CSMD1: variants seen among roughly 807,000 people sequenced by gnomAD.
The protein encoded by CSMD1 is CUB and Sushi multiple domains 1, also known as CUB and sushi domain-containing protein 1.
A neutral mutation model predicts 417.5 loss-of-function variants in CSMD1; 213 were observed. The observed-to-expected ratio is 0.51, with a 90% CI of 0.46 to 0.57. CSMD1 has a LOEUF of 0.57. Ranked by LOEUF, CSMD1 falls within the 20% of genes least tolerant of loss-of-function variation. CSMD1 has a pLI of 0.00. For synonymous variants in CSMD1, 2,862 were observed against 1,736.8 expected (o/e 1.65, Z -16.11); for missense variants, 6,923 against 4,529.7 (o/e 1.53, Z -15.17).
chr8:3,969,277 T>C (rs1046299414), intron 5 of CSMD1, among the ~76,000 whole-genome samples: 5 of 152,128 alleles, frequency 3.3e-5, no homozygotes, highest in African/African-American at 1.2e-4. Flanking sequence ...AGAGTGGCTG[T>C]AGCTGCAAAA....
intron 62 of CSMD1, 69 bp from the exon 63 acceptor site, chr8:2,957,876 G>T: frequency 9.7e-7 from 1 of 1,032,108 alleles, no homozygotes; most frequent in Non-Finnish European, 1.5e-6. Flanking sequence ...AGTGATACCT[G>T]AAAGTACACG....
At chr8:3,948,344 C>G (rs1016981751) in intron 5 of CSMD1, among the ~76,000 whole-genome samples, 2 of 152,056 alleles carry the variant, frequency 1.3e-5, no homozygotes, top group East Asian at 1.9e-4. Context: ...GGGACAGAGG[C>G]TTTAATAAAT....
intron 1 of CSMD1, among the ~76,000 whole-genome samples, chr8:4,724,769 T>C (rs1206295494): frequency 1.3e-5 from 2 of 152,138 alleles, no homozygotes; most frequent in Admixed American, 6.6e-5. Flanking sequence ...TTTTAAAAGT[T>C]AAGATATACA....
intron 2 of CSMD1, among the ~76,000 whole-genome samples, chr8:4,630,265 T>TAC (rs57214957): frequency 0.042 from 6,311 of 148,870 alleles, 190 homozygotes; most frequent in African/African-American, 0.099. Flanking sequence ...ACACAGCAAA[T>TAC]ACACACACAC....
chr8:3,780,474 C>A (rs1210945683), intron 5 of CSMD1, among the ~76,000 whole-genome samples: 3 of 152,170 alleles, frequency 2.0e-5, no homozygotes, highest in Non-Finnish European at 4.4e-5. Context: ...AAAATTACAT[C>A]CTGAATCGAG....
chr8:4,306,320 C>G (rs1798242803), intron 3 of CSMD1, among the ~76,000 whole-genome samples: 1 of 152,192 alleles, frequency 6.6e-6, no homozygotes, highest in Non-Finnish European at 1.5e-5. Flanking sequence ...CAGCTCGATC[C>G]TTCCATCATC....
intron 2 of CSMD1, among the ~76,000 whole-genome samples, chr8:4,420,665 G>C (rs922632012): frequency 5.3e-5 from 8 of 152,110 alleles, no homozygotes; most frequent in African/African-American, 1.9e-4. Flanking sequence ...TGGATTCCAA[G>C]CTGTGCTCTT....
intron 3 of CSMD1, among the ~76,000 whole-genome samples, chr8:4,064,143 T>A (rs1156574264): frequency 6.6e-6 from 1 of 152,188 alleles, no homozygotes; most frequent in East Asian, 1.9e-4. Flanking sequence ...GCCTCTGATG[T>A]AAAGTTCAAA....
In CSMD1 at chr8:4,538,171, A is replaced by T. The variant is rs1282914840; in HGVS notation, c.302+99171T>A. ...AGGTATACCATGACTCCGGTGTAAC[A>T]TGCAACTGGAGGTGGCTACATTTTT... On this transcript the variant is annotated intron_variant, in intron 2 of 69. Coordinates refer to ENST00000635120, the MANE Select transcript of CSMD1 (RefSeq NM_033225.6). Among the ~76,000 whole-genome samples, 12 of 148,438 alleles carry T rather than the reference A, an allele frequency of 8.1e-5. No individual in the cohort carries two copies. In the South Asian group the frequency reaches 2.6e-3, roughly 32 times the overall value.
intron 5 of CSMD1, among the ~76,000 whole-genome samples, chr8:3,850,083 A>AG (rs1803792844): frequency 6.6e-6 from 1 of 152,222 alleles, no homozygotes; most frequent in Non-Finnish European, 1.5e-5. Context: ...GGCATGAGCC[A>AG]CTGCACCCAG....
intron 6 of CSMD1, among the ~76,000 whole-genome samples, chr8:3,710,385 G>A (rs1054886719): frequency 2.6e-5 from 4 of 152,150 alleles, no homozygotes; most frequent in Non-Finnish European, 4.4e-5. Flanking sequence ...ATGCCAGGAT[G>A]CCAAGACTGT....
intron 3 of CSMD1, among the ~76,000 whole-genome samples, chr8:4,233,912 T>G (rs1375841479): frequency 6.7e-6 from 1 of 149,154 alleles, no homozygotes; most frequent in Non-Finnish European, 1.5e-5. Flanking sequence ...TGAACCAATG[T>G]CACCCTAAAA....
chr8:4,963,182 T>C (rs754965336), intron 1 of CSMD1, among the ~76,000 whole-genome samples: 11 of 152,110 alleles, frequency 7.2e-5, no homozygotes, highest in Non-Finnish European at 1.3e-4. Context: ...CTGTAATCCC[T>C]TCATTCACTT....
chr8:3,780,514 T>C lies in CSMD1; in HGVS notation c.819-26472A>G, dbSNP rs111804573. 3.8e-3 allele frequency among the ~76,000 whole-genome samples: 579 copies of C among 152,340 alleles called. 4 individuals carry two copies. The highest frequency in any genetic ancestry group is 0.013 in the African/African-American group (540 of 41,580). On this transcript the variant is annotated intron_variant, in intron 5 of 69. Transcript: ENST00000635120. Reference sequence around the variant, plus strand: ...AGTAACCATTCCATCAAGTCAATTTTTGTGGTACTACTGAATTGGATGGGT... The same window carrying C: ...AGTAACCATTCCATCAAGTCAATTTCTGTGGTACTACTGAATTGGATGGGT...
intron 26 of CSMD1, among the ~76,000 whole-genome samples, chr8:3,274,185 AC>A (rs1295993441): frequency 6.6e-6 from 1 of 151,116 alleles, no homozygotes; most frequent in Non-Finnish European, 1.5e-5. Context: ...TTCGTTATGT[AC>A]CCAGTAGTCA....
At position 4,913,977 on chromosome 8, in the gene CSMD1, C is replaced by G. The variant is rs114342685; in HGVS notation, c.85+80355G>C. 3.1e-3 allele frequency among the ~76,000 whole-genome samples: 470 copies of G among 152,276 alleles called. 4 individuals carry two copies. The highest frequency in any genetic ancestry group is 0.011 in the African/African-American group (450 of 41,550). Reference sequence around the variant, plus strand: ...AATTGTAGCCAATTAAGATTTTAAACTATAAATTCTGTGATTATTTCACAT... The same window carrying G: ...AATTGTAGCCAATTAAGATTTTAAAGTATAAATTCTGTGATTATTTCACAT... On this transcript the variant is annotated intron_variant, in intron 1 of 69. Coordinates refer to ENST00000635120, the MANE Select transcript of CSMD1 (RefSeq NM_033225.6).
intron 1 of CSMD1, among the ~76,000 whole-genome samples, chr8:4,711,665 T>A (rs1049971462): frequency 3.7e-5 from 1 of 27,214 alleles, no homozygotes; most frequent in Non-Finnish European, 5.4e-5. Flanking sequence ...TTACTGTAGG[T>A]AAATTTAAAA....
chr8:2,955,565 G>A (rs1461945345), intron 64 of CSMD1, 24 bp downstream of exon 64: 7 of 1,610,922 alleles, frequency 4.3e-6, no homozygotes, highest in Non-Finnish European at 5.9e-6. Flanking sequence ...GGAAAAGTAT[G>A]CCACTCCTTG....
intron 5 of CSMD1, among the ~76,000 whole-genome samples, chr8:3,807,772 C>G (rs941839327): frequency 2.6e-5 from 4 of 152,114 alleles, no homozygotes; most frequent in Admixed American, 2.0e-4. Flanking sequence ...AGTTCTCTCT[C>G]TGAGATATCT....
Sources: gnomAD v4.1 joint callset for allele counts (sites outside exome capture counted in the v4.1 genomes callset) on GRCh38, gnomAD v4.1.1 for gene constraint, MANE v1.5 for transcripts, NCBI Gene and HGNC (gene_info 2026-07-23, HGNC 2026-07-21) for gene names.